Variants in NRG3 observed in about 807,000 individuals in gnomAD.
NRG3 encodes pro-neuregulin-3, membrane-bound isoform.
Under a neutral mutation model 66.9 loss-of-function variants are expected in NRG3, and 31 were observed. The observed-to-expected ratio is 0.46, with a 90% confidence interval of 0.35 to 0.63. The LOEUF is 0.63. Ranked by LOEUF, NRG3 falls within the 20% of genes least tolerant of loss-of-function variation. The pLI is 0.00. For missense variants in NRG3, 910 were observed against 878.9 expected (o/e 1.04, Z -0.45); for synonymous variants, 393 against 359.4 (o/e 1.09, Z -1.06).
chr10:82,136,109 G>A (rs2069327120), intron 1 of NRG3, among the ~76,000 whole-genome samples: 1 of 152,164 alleles, frequency 6.6e-6, no homozygotes, highest in East Asian at 1.9e-4. Flanking sequence ...CACAGAGGTA[G>A]TGCCTTGGTG....
intron 2 of NRG3, among the ~76,000 whole-genome samples, chr10:82,689,622 A>G (rs1018079741): frequency 3.9e-5 from 6 of 152,218 alleles, no homozygotes; most frequent in African/African-American, 1.4e-4. Flanking sequence ...AAATTGTGAT[A>G]TGAGTTGAAT....
intron 1 of NRG3, among the ~76,000 whole-genome samples, chr10:81,991,469 G>A (rs1011760234): frequency 6.6e-6 from 1 of 152,148 alleles, no homozygotes; most frequent in Non-Finnish European, 1.5e-5. Flanking sequence ...TTGTGAATAT[G>A]TGAGTCTATG....
At chr10:82,898,154 T>C (rs1243773545) in intron 4 of NRG3, among the ~76,000 whole-genome samples, 2 of 152,172 alleles carry the variant, frequency 1.3e-5, no homozygotes, top group Admixed American at 1.3e-4. Flanking sequence ...TTCCACAGCC[T>C]CTTGCTCCAC....
At chr10:82,446,466 T>A (rs946276996) in intron 2 of NRG3, among the ~76,000 whole-genome samples, 1 of 152,134 alleles carries the variant, frequency 6.6e-6, no homozygotes, top group African/African-American at 2.4e-5. Context: ...TAAAAAGGAA[T>A]GAGATCATGT....
At chr10:82,247,288 G>T (rs1282146336) in intron 1 of NRG3, among the ~76,000 whole-genome samples, 2 of 152,156 alleles carry the variant, frequency 1.3e-5, no homozygotes, top group Non-Finnish European at 2.9e-5. Flanking sequence ...ATTTTTCACA[G>T]TTCTGGAAGC....
At chr10:82,412,176 T>G (rs1444159873) in intron 2 of NRG3, among the ~76,000 whole-genome samples, 1 of 152,186 alleles carries the variant, frequency 6.6e-6, no homozygotes. Context: ...TAATGTTTCC[T>G]AAGAGTGGGC....
chr10:82,019,989 G>A (rs2061987318), intron 1 of NRG3, among the ~76,000 whole-genome samples: 1 of 151,936 alleles, frequency 6.6e-6, no homozygotes, highest in African/African-American at 2.4e-5. Flanking sequence ...GCTTTTGAAT[G>A]TGTTTGCTCT....
At chr10:82,192,385 C>T (rs549443150) in intron 1 of NRG3, among the ~76,000 whole-genome samples, 287 of 152,286 alleles carry the variant, frequency 1.9e-3, no homozygotes, top group African/African-American at 6.6e-3. Context: ...CAGCACTACA[C>T]TCAGAGCTGA....
chr10:82,818,522 T>G lies in NRG3; in HGVS notation c.1028-46889T>G, dbSNP rs534656424. 9.8e-5 allele frequency among the ~76,000 whole-genome samples: 15 copies of G among 152,336 alleles called. No homozygotes were observed. The South Asian group carries it at 2.9e-3, about 29-fold the overall frequency. ...TGGGCCATGACTCTTCACTTGTTCT[T>G]TCTCAAGAACAGTCTGGACACTGAG... On this transcript the variant is annotated intron_variant, in intron 3 of 8. Transcript: ENST00000372141.
At chr10:82,372,044 T>C (rs1469298556) in intron 2 of NRG3, among the ~76,000 whole-genome samples, 1 of 152,112 alleles carries the variant, frequency 6.6e-6, no homozygotes, top group Non-Finnish European at 1.5e-5. Flanking sequence ...CATATGTACA[T>C]AGAAGATTCC....
chr10:82,481,630 G>C (rs578142478), intron 2 of NRG3, among the ~76,000 whole-genome samples: 4 of 152,220 alleles, frequency 2.6e-5, no homozygotes, highest in African/African-American at 9.6e-5. Context: ...GTAATCTTAG[G>C]TTTAATAATT....
intron 2 of NRG3, among the ~76,000 whole-genome samples, chr10:82,363,724 T>C (rs1440460066): frequency 1.3e-5 from 2 of 152,206 alleles, no homozygotes; most frequent in African/African-American, 4.8e-5. Flanking sequence ...CCCAAAGTGC[T>C]GGGATTACAG....
At chr10:82,898,940 G>A (rs1329320284) in intron 4 of NRG3, among the ~76,000 whole-genome samples, 1 of 151,826 alleles carries the variant, frequency 6.6e-6, no homozygotes, top group Non-Finnish European at 1.5e-5. Context: ...TCAATCTCCT[G>A]ACCTCGTGAT....
At chr10:82,182,701 T>G (rs1444867691) in intron 1 of NRG3, among the ~76,000 whole-genome samples, 1 of 152,018 alleles carries the variant, frequency 6.6e-6, no homozygotes, top group Non-Finnish European at 1.5e-5. Flanking sequence ...TTGTATATTT[T>G]TAATATATTT....
intron 1 of NRG3, among the ~76,000 whole-genome samples, chr10:81,956,129 CT>C (rs1407127328): frequency 6.6e-6 from 1 of 152,132 alleles, no homozygotes; most frequent in Non-Finnish European, 1.5e-5. Context: ...CTGCTTGAAA[CT>C]TTGTGGTGGC....
At chr10:82,253,524 A>G (rs2077580218) in intron 1 of NRG3, among the ~76,000 whole-genome samples, 1 of 152,140 alleles carries the variant, frequency 6.6e-6, no homozygotes, top group Non-Finnish European at 1.5e-5. Flanking sequence ...ATGCTACCTT[A>G]TAAATAGCTC....
chr10:82,879,081 T>TATTA (rs1276642747), intron 4 of NRG3, among the ~76,000 whole-genome samples: 4 of 152,244 alleles, frequency 2.6e-5, no homozygotes, highest in Non-Finnish European at 4.4e-5. Context: ...ATTTTATTCA[T>TATTA]ATTAACTTCT....
At chr10:82,916,497 G>A (rs372458478) in intron 4 of NRG3, among the ~76,000 whole-genome samples, 2 of 152,100 alleles carry the variant, frequency 1.3e-5, no homozygotes, top group Non-Finnish European at 2.9e-5. Context: ...TTTCTGTACA[G>A]CAATGTAGCA....
At chr10:82,318,155 C>T (rs997400659) in intron 1 of NRG3, among the ~76,000 whole-genome samples, 8 of 152,040 alleles carry the variant, frequency 5.3e-5, no homozygotes, top group African/African-American at 1.9e-4. Flanking sequence ...CTTAAATGAT[C>T]TTGCAGCTCA....
Sources: gnomAD v4.1 joint callset for allele counts (sites outside exome capture counted in the v4.1 genomes callset) on GRCh38, gnomAD v4.1.1 for gene constraint, MANE v1.5 for transcripts, NCBI Gene and HGNC (gene_info 2026-07-23, HGNC 2026-07-21) for gene names.